The following IMMP1L variants were observed in gnomAD, a reference collection of about 807,000 sequenced individuals.
The protein encoded by IMMP1L is inner mitochondrial membrane peptidase subunit 1.
IMMP1L carries 24 observed loss-of-function variants against 21.8 expected under a neutral mutation model. The ratio of observed to expected loss-of-function variants is 1.10; its 90% CI spans 0.80 to 1.55. The LOEUF (loss-of-function observed/expected upper bound fraction) is 1.55. IMMP1L is among the 40% of genes most tolerant of loss of function. The pLI is 0.00. For missense variants in IMMP1L, 195 were observed against 200.7 expected, an observed-to-expected ratio of 0.97 and a Z score of 0.17; for synonymous variants, 46 against 62.8, an observed-to-expected ratio of 0.73 and a Z score of 1.26.
At chr11:31,438,812 G>A (rs573867118) in intron 4 of IMMP1L, among the ~76,000 whole-genome samples, 26 of 151,936 alleles carry the variant, frequency 1.7e-4, no homozygotes, top group Non-Finnish European at 3.7e-4. Context: ...TTACTCCAGG[G>A]TTTACAATAT....
At chr11:31,453,174 C>CA in intron 4 of IMMP1L, 1 of 1,088,460 alleles carries the variant, frequency 9.2e-7, no homozygotes, top group Non-Finnish European at 1.2e-6. Context: ...AACAAACAAA[C>CA]AAAAAAGAAC....
intron 4 of IMMP1L, among the ~76,000 whole-genome samples, chr11:31,434,203 A>C (rs1399537157): frequency 6.6e-6 from 1 of 152,170 alleles, no homozygotes; most frequent in Non-Finnish European, 1.5e-5. Context: ...ATCAGTTGTA[A>C]AATTAATGAT....
chr11:31,452,676 A>G, intron 4 of IMMP1L: 13 of 990,386 alleles, frequency 1.3e-5, no homozygotes, highest in Non-Finnish European at 1.6e-5. Context: ...GCCAATGCTC[A>G]GTTCATACAT....
At chr11:31,486,111 A>T (rs999606574) in intron 1 of IMMP1L, among the ~76,000 whole-genome samples, 1 of 151,218 alleles carries the variant, frequency 6.6e-6, no homozygotes, top group Non-Finnish European at 1.5e-5. Context: ...TTTCTATGCT[A>T]AGCCAGTTGT....
chr11:31,503,068 T>C (rs1955671851), intron 1 of IMMP1L, among the ~76,000 whole-genome samples: 1 of 152,152 alleles, frequency 6.6e-6, no homozygotes. Context: ...AAAATTATAA[T>C]GAATATAAGT....
At chr11:31,450,697 G>A (rs908561335) in intron 4 of IMMP1L, among the ~76,000 whole-genome samples, 9 of 152,152 alleles carry the variant, frequency 5.9e-5, no homozygotes, top group African/African-American at 2.2e-4. Flanking sequence ...GGGCAGTTCA[G>A]CAGCGTGGTA....
chr11:31,486,472 T>A (rs1955081050), intron 1 of IMMP1L, among the ~76,000 whole-genome samples: 2 of 151,964 alleles, frequency 1.3e-5, no homozygotes, highest in Admixed American at 1.3e-4. Flanking sequence ...GTACTCTATA[T>A]TTAAACTATC....
chr11:31,463,164 A>T lies in IMMP1L; in HGVS notation c.105+8T>A, dbSNP rs1197320023. 1 of 1,593,048 alleles carries T rather than the reference A, an allele frequency of 6.3e-7. No individual in the cohort carries two copies. Among genetic ancestry groups the T allele is most frequent in the Non-Finnish European group, 8.5e-7 (1 of 1,171,574 alleles). On this transcript the variant is annotated splice_region_variant and intron_variant, in intron 2 of 5. Coordinates refer to ENST00000532287, the MANE Select transcript of IMMP1L (RefSeq NM_001304274.2). ...TTAAGATGAATATTCTTGAACATAA[A>T]AACTTACCATGACAACACCACCAAC...
At chr11:31,456,414 T>C in intron 3 of IMMP1L, 28 bp from the exon 4 acceptor site, 1 of 1,596,068 alleles carries the variant, frequency 6.3e-7, no homozygotes, top group South Asian at 1.1e-5. Flanking sequence ...AAGAAATGTC[T>C]GTATTATTTA....
chr11:31,466,966 C>A (rs1449041768), intron 1 of IMMP1L, among the ~76,000 whole-genome samples: 2 of 152,078 alleles, frequency 1.3e-5, no homozygotes, highest in East Asian at 3.8e-4. Context: ...ACGCTAATTA[C>A]CCTGATTTGA....
intron 1 of IMMP1L, among the ~76,000 whole-genome samples, chr11:31,465,687 C>A (rs1412870328): frequency 6.6e-6 from 1 of 151,928 alleles, no homozygotes; most frequent in East Asian, 1.9e-4. Context: ...GGAACATACA[C>A]TGGAGAAAGG....
intron 1 of IMMP1L, among the ~76,000 whole-genome samples, chr11:31,500,930 G>A (rs1191892474): frequency 1.3e-5 from 2 of 152,152 alleles, no homozygotes; most frequent in Non-Finnish European, 2.9e-5. Context: ...ATAGAAAAAG[G>A]TTGCCAAAGC....
At chr11:31,505,858 C>A (rs959005248) in intron 1 of IMMP1L, among the ~76,000 whole-genome samples, 4 of 152,200 alleles carry the variant, frequency 2.6e-5, no homozygotes, top group Non-Finnish European at 5.9e-5. Flanking sequence ...TTAACATTTT[C>A]TCTAGCTTAC....
chr11:31,474,998 TTAAGACCACCG>T (rs1285237994), intron 1 of IMMP1L, among the ~76,000 whole-genome samples: 1 of 152,126 alleles, frequency 6.6e-6, no homozygotes, highest in Non-Finnish European at 1.5e-5. Context: ...GTCCTGTCCT[TTAAGACCACCG>T]ACGCATACTC....
intron 4 of IMMP1L, chr11:31,452,782 C>T: frequency 1.0e-6 from 1 of 990,848 alleles, no homozygotes; most frequent in South Asian, 4.0e-5. Context: ...CGGAGTTTCG[C>T]TCTTGTTGCC....
intron 4 of IMMP1L, among the ~76,000 whole-genome samples, chr11:31,443,094 A>C (rs1953396562): frequency 1.3e-5 from 2 of 152,214 alleles, no homozygotes; most frequent in Admixed American, 1.3e-4. Flanking sequence ...GTATCAAGTT[A>C]TTATACCTAC....
intron 1 of IMMP1L, among the ~76,000 whole-genome samples, chr11:31,500,157 G>A (rs1955572065): frequency 1.3e-5 from 2 of 151,768 alleles, no homozygotes; most frequent in South Asian, 2.1e-4. Flanking sequence ...AAGAAAATTG[G>A]TCAGTCTTTT....
intron 1 of IMMP1L, among the ~76,000 whole-genome samples, chr11:31,498,874 A>G (rs1046657330): frequency 2.0e-5 from 3 of 152,348 alleles, no homozygotes; most frequent in African/African-American, 7.2e-5. Context: ...AGGGACTACA[A>G]TAGGCATTCA....
At chr11:31,501,453 T>G (rs968569881) in intron 1 of IMMP1L, among the ~76,000 whole-genome samples, 1 of 152,208 alleles carries the variant, frequency 6.6e-6, no homozygotes, top group Non-Finnish European at 1.5e-5. Context: ...CTCCACTATG[T>G]GATAACACAG....
Sources: allele counts gnomAD v4.1 joint callset (sites outside exome capture counted in the v4.1 genomes callset), GRCh38; gene constraint gnomAD v4.1.1; transcripts MANE v1.5; gene names NCBI Gene and HGNC (gene_info 2026-07-23, HGNC 2026-07-21).